TMEM132C: variants seen among roughly 807,000 people sequenced by gnomAD.
TMEM132C encodes transmembrane protein 132C, also known as protein phosphatase 1, regulatory subunit 152.
In TMEM132C, 29 loss-of-function variants were observed where a neutral mutation model predicts 61.4. That is an observed-to-expected ratio of 0.47 (90% CI 0.35 to 0.64). TMEM132C has a LOEUF of 0.64. Among genes scored for constraint, TMEM132C ranks in the 30% least tolerant of loss-of-function variants. The pLI is 0.00. For missense variants in TMEM132C, 1,408 were observed against 1,476.9 expected (o/e 0.95, Z 0.76); for synonymous variants, 656 against 633.1 (o/e 1.04, Z -0.54).
chr12:128,366,650 A>G (rs1873881485), intron 1 of TMEM132C, among the ~76,000 whole-genome samples: 1 of 152,170 alleles, frequency 6.6e-6, no homozygotes, highest in African/African-American at 2.4e-5. Flanking sequence ...ATAGTGGGAG[A>G]ACCCTTTTGG....
At chr12:128,699,519 C>T (rs1309065295) in intron 8 of TMEM132C, among the ~76,000 whole-genome samples, 2 of 152,178 alleles carry the variant, frequency 1.3e-5, no homozygotes, top group Non-Finnish European at 2.9e-5. Flanking sequence ...CATTCCTTCT[C>T]AGTCCCCACC....
At chr12:128,306,484 G>A (rs1338546212) in intron 1 of TMEM132C, among the ~76,000 whole-genome samples, 4 of 152,160 alleles carry the variant, frequency 2.6e-5, no homozygotes, top group Non-Finnish European at 5.9e-5. Flanking sequence ...TTACAGGCGT[G>A]AGCCACCGCA....
chr12:128,405,454 T>A (rs1683718), intron 1 of TMEM132C, among the ~76,000 whole-genome samples: 125,387 of 152,108 alleles, frequency 0.82, 54,085 homozygotes, highest in East Asian at 1. Flanking sequence ...AATCGCCTGT[T>A]CAACCATATG....
intron 1 of TMEM132C, among the ~76,000 whole-genome samples, chr12:128,394,816 G>A (rs79411289): frequency 0.018 from 2,659 of 151,248 alleles, 40 homozygotes; most frequent in Middle Eastern, 0.031. Flanking sequence ...CAGCCAAATC[G>A]GGTAATAGCA....
At chr12:128,530,200 C>T (rs1191145726) in intron 2 of TMEM132C, among the ~76,000 whole-genome samples, 2 of 152,108 alleles carry the variant, frequency 1.3e-5, no homozygotes, top group African/African-American at 4.8e-5. Flanking sequence ...GGGAACGAAG[C>T]GGTAATTGCC....
intron 1 of TMEM132C, among the ~76,000 whole-genome samples, chr12:128,394,907 CAAAA>C (rs59086773): frequency 7.6e-6 from 1 of 132,310 alleles, no homozygotes; most frequent in Non-Finnish European, 1.6e-5. Flanking sequence ...CCTTATTTTC[CAAAA>C]AAAAAAAAAA....
chr12:128,440,784 C>T (rs1451099176), intron 2 of TMEM132C, among the ~76,000 whole-genome samples: 1 of 152,190 alleles, frequency 6.6e-6, no homozygotes, highest in Non-Finnish European at 1.5e-5. Flanking sequence ...CACGTTGGCT[C>T]ACACCTGTAA....
intron 1 of TMEM132C, among the ~76,000 whole-genome samples, chr12:128,357,130 T>G (rs2135967973): frequency 6.6e-6 from 1 of 152,264 alleles, no homozygotes; most frequent in South Asian, 2.1e-4. Context: ...AGCCCACGTG[T>G]CCAATTTGAA....
intron 2 of TMEM132C, among the ~76,000 whole-genome samples, chr12:128,442,455 G>T (rs1869830108): frequency 6.6e-6 from 1 of 152,156 alleles, no homozygotes; most frequent in South Asian, 2.1e-4. Context: ...TGGACCCTGA[G>T]ATACTGATTT....
intron 4 of TMEM132C, among the ~76,000 whole-genome samples, chr12:128,625,562 G>A (rs775001962): frequency 3.3e-5 from 5 of 152,166 alleles, no homozygotes; most frequent in East Asian, 1.9e-4. Context: ...CATGGATGGT[G>A]GCAGGCAAAG....
At chr12:128,549,969 G>C (rs1380954105) in intron 3 of TMEM132C, among the ~76,000 whole-genome samples, 1 of 152,106 alleles carries the variant, frequency 6.6e-6, no homozygotes, top group Non-Finnish European at 1.5e-5. Flanking sequence ...GCTTATTCTT[G>C]TCCTGAAAGG....
At chr12:128,330,900 C>CAT (rs34108037) in intron 1 of TMEM132C, among the ~76,000 whole-genome samples, 12 of 151,894 alleles carry the variant, frequency 7.9e-5, no homozygotes, top group South Asian at 2.1e-4. Flanking sequence ...TAAATGTATA[C>CAT]ATATATATAT....
intron 3 of TMEM132C, among the ~76,000 whole-genome samples, chr12:128,568,372 C>T (rs764784199): frequency 5.3e-5 from 8 of 152,214 alleles, no homozygotes; most frequent in Non-Finnish European, 8.8e-5. Context: ...TATTTATGCT[C>T]ATACCTTGTT....
rs1459142495 is a variant in TMEM132C at position 128,695,863 on chromosome 12, G to T, written c.1689G>T (p.Glu563Asp). The change falls in exon 7 of 9, where the codon GAG becomes GAT. Residue 563 changes from glutamate (E) to aspartate (D), a missense_variant. Transcript: ENST00000435159. ...PTRESEDEDE[E>D]ERRGRGCALQ... ...GTGAGAGCGAGGATGAGGACGAGGA[G>T]GAGCGGCGGGGCCGGGGCTGCGCAC... The T allele has an allele frequency of 6.5e-7, 1 of 1,547,364 alleles. No individual in the cohort carries two copies. Among genetic ancestry groups the T allele is most frequent in the Admixed American group, 2.0e-5 (1 of 50,940 alleles).
At chr12:128,362,234 C>T (rs751487437) in intron 1 of TMEM132C, among the ~76,000 whole-genome samples, 1 of 151,956 alleles carries the variant, frequency 6.6e-6, no homozygotes, top group Non-Finnish European at 1.5e-5. Context: ...AGTGAGCAAA[C>T]GGTGCTGGAA....
At chr12:128,418,102 C>T (rs766084802) in intron 2 of TMEM132C, among the ~76,000 whole-genome samples, 1 of 152,104 alleles carries the variant, frequency 6.6e-6, no homozygotes, top group South Asian at 2.1e-4. Flanking sequence ...AGATATGGCA[C>T]GTGTTATATT....
chr12:128,390,346 G>A (rs1018483938), intron 1 of TMEM132C, among the ~76,000 whole-genome samples: 1 of 152,310 alleles, frequency 6.6e-6, no homozygotes, highest in Admixed American at 6.5e-5. Flanking sequence ...AGGCAAATGC[G>A]TTTCCCTGCT....
At chr12:128,358,250 T>C in intron 1 of TMEM132C, among the ~76,000 whole-genome samples, 1 of 152,064 alleles carries the variant, frequency 6.6e-6, no homozygotes. Context: ...TCTCCTTTGT[T>C]GAGAAAGAAA....
chr12:128,334,981 CTTTATT>C (rs1872758368), intron 1 of TMEM132C, among the ~76,000 whole-genome samples: 1 of 152,154 alleles, frequency 6.6e-6, no homozygotes. Flanking sequence ...TGCACTCATA[CTTTATT>C]AGTTCTAAAT....
Sources: allele counts gnomAD v4.1 joint callset (sites outside exome capture counted in the v4.1 genomes callset), GRCh38; gene constraint gnomAD v4.1.1; transcripts MANE v1.5; gene names NCBI Gene and HGNC (gene_info 2026-07-23, HGNC 2026-07-21).